The following RASA3 variants were observed in gnomAD, a reference collection of about 807,000 sequenced individuals.
The protein encoded by RASA3 is ras GTPase-activating protein 3.
In RASA3, 73 loss-of-function variants were observed where a neutral mutation model predicts 110.0. The observed-to-expected ratio is 0.66, with a 90% CI of 0.55 to 0.81. The LOEUF (loss-of-function observed/expected upper bound fraction) is 0.81, where lower values mean the gene tolerates loss of function less well. Ranked by LOEUF, RASA3 falls within the 30% of genes least tolerant of loss-of-function variation. The pLI is 0.00. For missense variants in RASA3, 976 were observed against 1,113.2 expected (o/e 0.88, Z 1.75); for synonymous variants, 500 against 451.4 (o/e 1.11, Z -1.37).
At chr13:114,121,213 G>A (rs917373910) in intron 1 of RASA3, among the ~76,000 whole-genome samples, 10 of 152,246 alleles carry the variant, frequency 6.6e-5, no homozygotes, top group African/African-American at 2.4e-4. Flanking sequence ...GCCGGGGGCA[G>A]GAGGCCACCC....
At chr13:114,116,089 C>T (rs965789148) in intron 1 of RASA3, among the ~76,000 whole-genome samples, 27 of 152,204 alleles carry the variant, frequency 1.8e-4, no homozygotes, top group Admixed American at 1.3e-4. Context: ...GGCGGAACCC[C>T]GGGTCCCCTG....
At chr13:114,069,511 G>A in intron 2 of RASA3, among the ~76,000 whole-genome samples, 2 of 85,326 alleles carry the variant, frequency 2.3e-5, no homozygotes, top group African/African-American at 4.8e-5. Flanking sequence ...AGACTCAGGG[G>A]GCCAGGAGAC....
intron 1 of RASA3, among the ~76,000 whole-genome samples, chr13:114,117,237 G>C (rs2080296661): frequency 1.1e-5 from 1 of 94,872 alleles, no homozygotes. Flanking sequence ...GTGCATGTGT[G>C]TGAGGGGTGC....
At chr13:114,025,797 T>C (rs978283595) in intron 7 of RASA3, among the ~76,000 whole-genome samples, 1 of 152,226 alleles carries the variant, frequency 6.6e-6, no homozygotes, top group Non-Finnish European at 1.5e-5. Context: ...GAACATCTGT[T>C]TTCCTGGGTC....
intron 1 of RASA3, among the ~76,000 whole-genome samples, chr13:114,126,346 T>C (rs894630392): frequency 6.6e-6 from 1 of 152,170 alleles, no homozygotes; most frequent in African/African-American, 2.4e-5. Context: ...CCAGCTAACT[T>C]ATCTGGGCCC....
At position 114,056,265 on chromosome 13, in the gene RASA3, ATG is replaced by A. The variant is rs1372506573; in HGVS notation, c.174-4112_174-4111del. Among the ~76,000 whole-genome samples the A allele has an allele frequency of 6.6e-6, 1 of 152,058 alleles. No individual in the cohort carries two copies. The highest frequency in any genetic ancestry group is 1.5e-5 in the Non-Finnish European group (1 of 67,998). ...GTGGTGAGTGTCTGGTGTGTGTCTGATGTGTGTCTGATGCATATTTGGTGCGT... is the reference window on the plus strand; with the variant it reads ...GTGGTGAGTGTCTGGTGTGTGTCTGATGTGTCTGATGCATATTTGGTGCGT... On this transcript the variant is annotated intron_variant, in intron 2 of 23. Transcript: ENST00000334062. The surrounding 1 kb of genome is among the most constrained non-coding windows in gnomAD (Gnocchi z 5.7).
intron 23 of RASA3, among the ~76,000 whole-genome samples, chr13:113,981,202 T>G (rs1230391446): frequency 6.6e-6 from 1 of 152,204 alleles, no homozygotes; most frequent in African/African-American, 2.4e-5. Flanking sequence ...CCACCTAGCC[T>G]GCAGCTGGTG....
At chr13:114,009,795 G>T (rs1429718611) in intron 16 of RASA3, among the ~76,000 whole-genome samples, 2 of 152,224 alleles carry the variant, frequency 1.3e-5, no homozygotes, top group African/African-American at 4.8e-5. Context: ...AGATGTGGCT[G>T]CCTGGGAACC....
intron 1 of RASA3, among the ~76,000 whole-genome samples, chr13:114,131,222 G>A (rs150272401): frequency 1.3e-4 from 20 of 152,254 alleles, no homozygotes; most frequent in African/African-American, 3.8e-4. Context: ...AGCATCAAAT[G>A]TCATCAACAA....
chr13:114,013,644 CTTTG>C (rs2053701478), intron 14 of RASA3, among the ~76,000 whole-genome samples: 1 of 144,342 alleles, frequency 6.9e-6, no homozygotes, highest in Non-Finnish European at 1.5e-5. Context: ...CTCTCCATCT[CTTTG>C]TCTCTCTCCC....
intron 1 of RASA3, among the ~76,000 whole-genome samples, chr13:114,100,245 G>A (rs1566573849): frequency 1.3e-5 from 2 of 151,920 alleles, no homozygotes; most frequent in Non-Finnish European, 2.9e-5. Flanking sequence ...CGATGTGGAT[G>A]CCTCTGTGCC....
chr13:114,056,361 G>A lies in RASA3; in HGVS notation c.174-4206C>T, dbSNP rs561627438. On this transcript the variant is annotated intron_variant, in intron 2 of 23. Coordinates refer to ENST00000334062, the MANE Select transcript of RASA3 (RefSeq NM_007368.4). This position sits in a 1 kb window ranked among gnomAD's most constrained non-coding sequence, Gnocchi z 5.7. ...TAAGCACACCCCACAAACGGGCGCC[G>A]CGCACCTGGCATTTAACCCTGCACA... 6.4e-5 allele frequency: 53 copies of A among 833,700 alleles called. No individual in the cohort carries two copies. The African/African-American group carries it at 6.9e-4, about 11-fold the overall frequency. The allele number at this position is 833,700 out of a possible 1,614,324, so 51.6% of individuals were successfully genotyped here.
In RASA3 at chr13:114,065,391, G is replaced by A. The variant is rs1040922821; in HGVS notation, c.173+8329C>T. The stretch of plus-strand genomic sequence containing the variant: ...CCAGGGCTGCCCCAGCCTCGGGGTA[G>A]AGGGTAAAGGCTGCGTGAAGAGGAA... On this transcript the variant is annotated intron_variant, in intron 2 of 23. Coordinates refer to ENST00000334062, the MANE Select transcript of RASA3 (RefSeq NM_007368.4). The surrounding 1 kb of genome is among the most constrained non-coding windows in gnomAD (Gnocchi z 4.1). 7.9e-5 allele frequency among the ~76,000 whole-genome samples: 12 copies of A among 152,232 alleles called. No homozygotes were observed. Among genetic ancestry groups the A allele is most frequent in the African/African-American group, 2.9e-4 (12 of 41,462 alleles).
intron 8 of RASA3, among the ~76,000 whole-genome samples, chr13:114,023,331 C>T (rs1359907655): frequency 2.0e-5 from 3 of 151,788 alleles, no homozygotes; most frequent in African/African-American, 7.3e-5. Context: ...ATCCCAGGCT[C>T]GGGGGCATCC....
At chr13:114,072,988 T>C (rs112630022) in intron 2 of RASA3, among the ~76,000 whole-genome samples, 39 of 102,390 alleles carry the variant, frequency 3.8e-4, no homozygotes, top group East Asian at 9.5e-4. Context: ...TGTCTACACA[T>C]AGAAAAATTC....
At chr13:114,043,863 G>GCCCC (rs1271940133) in intron 3 of RASA3, among the ~76,000 whole-genome samples, 2 of 5,968 alleles carry the variant, frequency 3.4e-4, no homozygotes, top group Non-Finnish European at 5.6e-4. Flanking sequence ...CACTCGCTGA[G>GCCCC]CCCCCCCGCC....
intron 6 of RASA3, 41 bp from the exon 7 acceptor site, chr13:114,027,502 G>T: frequency 6.8e-7 from 1 of 1,474,670 alleles, no homozygotes; most frequent in South Asian, 1.1e-5. Flanking sequence ...AAACAACACT[G>T]CTGATTCCAA....
intron 3 of RASA3, among the ~76,000 whole-genome samples, chr13:114,047,180 C>G (rs560927433): frequency 6.6e-6 from 1 of 152,148 alleles, no homozygotes; most frequent in Admixed American, 6.5e-5. Context: ...GTGATAGACT[C>G]GTATCCAGAA....
chr13:114,089,258 G>C (rs1330952576), intron 1 of RASA3, among the ~76,000 whole-genome samples: 1 of 145,374 alleles, frequency 6.9e-6, no homozygotes, highest in Admixed American at 6.8e-5. Flanking sequence ...GAGGAGAGAG[G>C]AGGGGAGACG....
Sources: allele counts gnomAD v4.1 joint callset (sites outside exome capture counted in the v4.1 genomes callset), GRCh38; gene constraint gnomAD v4.1.1; non-coding constraint Gnocchi (gnomAD v3.1); transcripts MANE v1.5; gene names NCBI Gene and HGNC (gene_info 2026-07-23, HGNC 2026-07-21).